Variants in CAMK2D observed in about 807,000 individuals in gnomAD.
CAMK2D encodes the protein calcium/calmodulin-dependent protein kinase type II subunit delta.
CAMK2D carries 37 observed loss-of-function variants against 84.0 expected under a neutral mutation model. That is an observed-to-expected ratio of 0.44 (90% CI 0.34 to 0.58). CAMK2D has a LOEUF of 0.58. CAMK2D is among the 20% of genes least tolerant of loss of function. The pLI is 0.02. For missense variants in CAMK2D, 448 were observed against 652.5 expected (o/e 0.69, Z 3.41); for synonymous variants, 202 against 212.5 (o/e 0.95, Z 0.43).
chr4:113,645,798 C>T (rs114620553), intron 3 of CAMK2D, among the ~76,000 whole-genome samples: 252 of 152,206 alleles, frequency 1.7e-3, no homozygotes, highest in African/African-American at 5.5e-3. Context: ...GGTAAGGAAG[C>T]AGCTAGCAGT....
chr4:113,748,652 T>C (rs1202236602), intron 2 of CAMK2D, among the ~76,000 whole-genome samples: 6 of 152,036 alleles, frequency 3.9e-5, no homozygotes, highest in Admixed American at 2.6e-4. Flanking sequence ...TTGCAGTACA[T>C]AGGGAAGTTT....
At position 113,533,430 on chromosome 4, in the gene CAMK2D, T is replaced by C. The variant is rs115068747; in HGVS notation, c.518-2131A>G. ...GGATTATCATACTACATGCCATCAATAGAAAAAGTAATGAGAGCTTGCCTT... is the reference window on the plus strand; with the variant it reads ...GGATTATCATACTACATGCCATCAACAGAAAAAGTAATGAGAGCTTGCCTT... On this transcript the variant is annotated intron_variant, in intron 7 of 20. Coordinates refer to ENST00000511664, the MANE Select transcript of CAMK2D (RefSeq NM_001321571.2). Among the ~76,000 whole-genome samples, 842 of 152,160 alleles carry C rather than the reference T, an allele frequency of 5.5e-3. 11 individuals are homozygous for C. The highest frequency in any genetic ancestry group is 0.02 in the African/African-American group (815 of 41,524).
chr4:113,517,560 T>C lies in CAMK2D; in HGVS notation c.696+3A>G. ...TAAAGTGATATAAATAGTTATTACA[T>C]ACATCATAAGCTCCAGCCTTGATCT... On this transcript the variant is annotated splice_donor_region_variant and intron_variant, in intron 9 of 20. Coordinates refer to ENST00000511664, the MANE Select transcript of CAMK2D (RefSeq NM_001321571.2). The C allele has an allele frequency of 1.4e-6, 2 of 1,440,390 alleles. No homozygotes were observed. The highest frequency in any genetic ancestry group is 1.9e-6 in the Non-Finnish European group (2 of 1,028,162). The allele number at this position is 1,440,390 out of a possible 1,614,324, so 89.2% of individuals were successfully genotyped here. A position where few individuals can be genotyped will look rare whatever the true frequency, so the allele number is the denominator to read the frequency against.
At chr4:113,669,296 T>C (rs1435387498) in intron 2 of CAMK2D, among the ~76,000 whole-genome samples, 5 of 152,228 alleles carry the variant, frequency 3.3e-5, no homozygotes, top group Non-Finnish European at 7.3e-5. Flanking sequence ...ATAAACTATC[T>C]ACATAGCTAT....
At chr4:113,520,586 A>AAAG (rs1304772845) in intron 8 of CAMK2D, among the ~76,000 whole-genome samples, 4 of 152,090 alleles carry the variant, frequency 2.6e-5, no homozygotes, top group Admixed American at 6.6e-5. Context: ...CCATATACCT[A>AAAG]AAGTACTAAA....
intron 8 of CAMK2D, among the ~76,000 whole-genome samples, chr4:113,519,735 T>C (rs1259257705): frequency 6.6e-6 from 1 of 152,198 alleles, no homozygotes; most frequent in African/African-American, 2.4e-5. Flanking sequence ...CTAATAAATT[T>C]TATTGTAGAT....
At chr4:113,575,005 C>T (rs2154232220) in intron 4 of CAMK2D, among the ~76,000 whole-genome samples, 1 of 152,302 alleles carries the variant, frequency 6.6e-6, no homozygotes, top group South Asian at 2.1e-4. Flanking sequence ...CATCTGTGCA[C>T]TCACTTCTTC....
chr4:113,718,716 G>T (rs2099521281), intron 2 of CAMK2D, among the ~76,000 whole-genome samples: 2 of 152,200 alleles, frequency 1.3e-5, no homozygotes, highest in African/African-American at 4.8e-5. Flanking sequence ...CCCGAAGTTA[G>T]TTCGGCCTAT....
At chr4:113,491,491 G>T (rs1368064291) in intron 16 of CAMK2D, among the ~76,000 whole-genome samples, 14 of 151,898 alleles carry the variant, frequency 9.2e-5, no homozygotes, top group Admixed American at 6.6e-4. Context: ...CAGGGATGAA[G>T]CCCACTTGAT....
chr4:113,744,120 G>A (rs574913122), intron 2 of CAMK2D, among the ~76,000 whole-genome samples: 14 of 152,246 alleles, frequency 9.2e-5, no homozygotes, highest in African/African-American at 3.1e-4. Flanking sequence ...GATTACAGGC[G>A]TGAGCCACCA....
chr4:113,482,795 T>C (rs2154130365), intron 16 of CAMK2D, among the ~76,000 whole-genome samples: 1 of 152,380 alleles, frequency 6.6e-6, no homozygotes, highest in South Asian at 2.1e-4. Flanking sequence ...TTGCAAAGAA[T>C]TTCCTTTGGA....
intron 6 of CAMK2D, among the ~76,000 whole-genome samples, chr4:113,542,333 A>G (rs566609466): frequency 3.2e-4 from 49 of 152,368 alleles, no homozygotes; most frequent in Admixed American, 7.2e-4. Flanking sequence ...TTATCTAAAC[A>G]TAGCTCTGAG....
intron 17 of CAMK2D, among the ~76,000 whole-genome samples, chr4:113,462,292 G>C (rs1524999): frequency 0.078 from 8,430 of 108,546 alleles, 295 homozygotes; most frequent in Admixed American, 0.12. Context: ...GTGTGTGTGT[G>C]TGTCTGTCTG....
intron 4 of CAMK2D, among the ~76,000 whole-genome samples, chr4:113,585,720 T>C (rs563533557): frequency 4.1e-5 from 5 of 120,658 alleles, no homozygotes; most frequent in Non-Finnish European, 7.0e-5. Context: ...GTATATCATA[T>C]AGTATAGATA....
chr4:113,482,112 C>A (rs191484596), intron 16 of CAMK2D, among the ~76,000 whole-genome samples: 1 of 152,292 alleles, frequency 6.6e-6, no homozygotes, highest in East Asian at 1.9e-4. Flanking sequence ...AAGAGCAGCA[C>A]ATGATCTAAT....
intron 16 of CAMK2D, among the ~76,000 whole-genome samples, chr4:113,485,624 C>G (rs1219431505): frequency 2.6e-5 from 4 of 152,134 alleles, no homozygotes; most frequent in Non-Finnish European, 5.9e-5. Context: ...AGTGTTCTAC[C>G]TATGGACATC....
chr4:113,479,625 G>A (rs550676441), intron 16 of CAMK2D, among the ~76,000 whole-genome samples: 1 of 152,142 alleles, frequency 6.6e-6, no homozygotes, highest in African/African-American at 2.4e-5. Flanking sequence ...CATCAGTTTC[G>A]ATTTTAAAGC....
chr4:113,517,719 G>A lies in CAMK2D; in HGVS notation c.602-62C>T. On this transcript the variant is annotated intron_variant, in intron 8 of 20. Transcript: ENST00000511664. Reference sequence around the variant, plus strand: ...TATAGACAACAGTAAATTAAATGTGGCTGATCCACAATGATATTAAGCCGT... The same window carrying A: ...TATAGACAACAGTAAATTAAATGTGACTGATCCACAATGATATTAAGCCGT... The A allele has an allele frequency of 6.4e-6, 5 of 782,090 alleles. 1 individual carries two copies. Among genetic ancestry groups the A allele is most frequent in the Non-Finnish European group, 1.1e-5 (5 of 446,316 alleles). 48.4% of individuals were successfully genotyped at this position (782,090 alleles called of 1,614,324 possible). A position where few individuals can be genotyped will look rare whatever the true frequency, so the allele number is the denominator to read the frequency against.
intron 3 of CAMK2D, among the ~76,000 whole-genome samples, chr4:113,619,541 A>G: frequency 6.6e-6 from 1 of 151,834 alleles, no homozygotes; most frequent in Non-Finnish European, 1.5e-5. Flanking sequence ...TTGCACTCCA[A>G]CTTCATTGGC....
Sources: allele counts gnomAD v4.1 joint callset (sites outside exome capture counted in the v4.1 genomes callset), GRCh38; gene constraint gnomAD v4.1.1; transcripts MANE v1.5; gene names NCBI Gene and HGNC (gene_info 2026-07-23, HGNC 2026-07-21).